The following ADAMTS18 variants were observed in gnomAD, a reference collection of about 807,000 sequenced individuals.
The protein encoded by ADAMTS18 is A disintegrin and metalloproteinase with thrombospondin motifs 18.
Under a neutral mutation model 165.9 loss-of-function variants are expected in ADAMTS18, and 157 were observed. The observed-to-expected ratio is 0.95, with a 90% CI of 0.83 to 1.08. The LOEUF is 1.08. ADAMTS18 is among the 50% of genes least tolerant of loss of function. The pLI is 0.00. For missense variants in ADAMTS18, 2,040 were observed against 1,534.0 expected, an observed-to-expected ratio of 1.33 and a Z score of -5.51; for synonymous variants, 782 against 578.2, an observed-to-expected ratio of 1.35 and a Z score of -5.06.
chr16:77,372,133 T>C (rs965122037), intron 3 of ADAMTS18, among the ~76,000 whole-genome samples: 1 of 152,166 alleles, frequency 6.6e-6, no homozygotes, highest in Non-Finnish European at 1.5e-5. Flanking sequence ...CTAGCATGGA[T>C]GTGGAGAAAT....
Position 77,346,578 on chromosome 16 carries a change from C to T in ADAMTS18, c.1615-4779G>A, listed in dbSNP as rs190850072. Among the ~76,000 whole-genome samples, 128 of 152,112 alleles carry T rather than the reference C, an allele frequency of 8.4e-4. No individual in the cohort carries two copies. The East Asian group carries it at 0.016, about 19-fold the overall frequency. On this transcript the variant is annotated intron_variant, in intron 10 of 22. Transcript: ENST00000282849. ...TTGTATCATCATTGTGGCCACATGACGAAAGTATGACTATCTCCTCAACAT... is the reference window on the plus strand; with the variant it reads ...TTGTATCATCATTGTGGCCACATGATGAAAGTATGACTATCTCCTCAACAT...
intron 22 of ADAMTS18, among the ~76,000 whole-genome samples, 170 bp downstream of exon 22, chr16:77,289,094 T>A (rs2055312141): frequency 6.6e-6 from 1 of 152,168 alleles, no homozygotes; most frequent in East Asian, 1.9e-4. Context: ...GGACAGCAAC[T>A]TCCCCAGAGT....
At chr16:77,319,686 G>A (rs991482458) in intron 16 of ADAMTS18, among the ~76,000 whole-genome samples, 163 bp downstream of exon 16, 3 of 151,938 alleles carry the variant, frequency 2.0e-5, no homozygotes, top group East Asian at 1.9e-4. Context: ...CAGCTGATCC[G>A]CCCACCTCAG....
chr16:77,424,192 G>A (rs1186355943), intron 3 of ADAMTS18, among the ~76,000 whole-genome samples: 1 of 152,218 alleles, frequency 6.6e-6, no homozygotes, highest in African/African-American at 2.4e-5. Context: ...AGGCAGGCCG[G>A]GCGCGGTGGC....
At position 77,283,803 on chromosome 16, in the gene ADAMTS18, G is replaced by T. The variant is rs78203502; in HGVS notation, c.*153C>A. On this transcript the variant is annotated 3_prime_UTR_variant, in exon 23 of 23. Coordinates refer to ENST00000282849, the MANE Select transcript of ADAMTS18 (RefSeq NM_199355.4). The stretch of plus-strand genomic sequence containing the variant: ...AGGGAATTGAGCTAGAAGCCTACTG[G>T]CAACCTGTCTGTTCCTCAGAGCAGG... 3,225 of 643,560 alleles carry T rather than the reference G, an allele frequency of 5.0e-3. 91 individuals are homozygous for T. The African/African-American group carries it at 0.054, about 11-fold the overall frequency. 39.9% of individuals were successfully genotyped at this position (643,560 alleles called of 1,614,324 possible). A position where few individuals can be genotyped will look rare whatever the true frequency, so the allele number is the denominator to read the frequency against.
At chr16:77,357,581 G>T (rs371554061) in intron 8 of ADAMTS18, among the ~76,000 whole-genome samples, 12 of 152,146 alleles carry the variant, frequency 7.9e-5, no homozygotes, top group East Asian at 5.8e-4. Flanking sequence ...ACAGAGATGG[G>T]GTAGGAGAGA....
chr16:77,419,273 C>G (rs2057570346), intron 3 of ADAMTS18, among the ~76,000 whole-genome samples: 2 of 152,104 alleles, frequency 1.3e-5, no homozygotes, highest in South Asian at 2.1e-4. Flanking sequence ...TTTGGAGGCT[C>G]CAAGAAAGAT....
At chr16:77,398,834 T>A (rs1012618875) in intron 3 of ADAMTS18, among the ~76,000 whole-genome samples, 6 of 152,060 alleles carry the variant, frequency 3.9e-5, no homozygotes, top group African/African-American at 1.2e-4. Context: ...GAAACTGTGT[T>A]AAGAAGTGTA....
At chr16:77,342,361 C>A (rs1468801635) in intron 10 of ADAMTS18, among the ~76,000 whole-genome samples, 2 of 152,308 alleles carry the variant, frequency 1.3e-5, no homozygotes, top group Middle Eastern at 6.8e-3. Flanking sequence ...ATCATTACTA[C>A]CTTTTTCATC....
At chr16:77,429,448 G>C (rs1271059568) in intron 3 of ADAMTS18, among the ~76,000 whole-genome samples, 1 of 152,156 alleles carries the variant, frequency 6.6e-6, no homozygotes, top group Non-Finnish European at 1.5e-5. Flanking sequence ...TGGAGGGTCG[G>C]AGAAGATAGA....
chr16:77,335,029 A>G lies in ADAMTS18; in HGVS notation c.1859+727T>C, dbSNP rs145606417. The stretch of plus-strand genomic sequence containing the variant: ...AATAGTATATAGTAGTATATATACT[A>G]TATATTAATAGTAATTATATATAAT... On this transcript the variant is annotated intron_variant, in intron 12 of 22. Transcript: ENST00000282849. Among the ~76,000 whole-genome samples the G allele has an allele frequency of 7.7e-3, 1,107 of 144,194 alleles. 20 individuals are homozygous for G. The highest frequency in any genetic ancestry group is 0.026 in the African/African-American group (1,033 of 39,112). The allele number at this position is 144,194 out of a possible 152,430, so 94.6% of individuals were successfully genotyped here. A position where few individuals can be genotyped will look rare whatever the true frequency, so the allele number is the denominator to read the frequency against.
At chr16:77,334,746 C>CTGTATACTATAGTATATATAT (rs2056269435) in intron 12 of ADAMTS18, among the ~76,000 whole-genome samples, 1 of 111,346 alleles carries the variant, frequency 9.0e-6, no homozygotes, top group African/African-American at 3.5e-5. Flanking sequence ...AGTATATATA[C>CTGTATACTATAGTATATATAT]TGTATACTAT....
intron 16 of ADAMTS18, among the ~76,000 whole-genome samples, chr16:77,313,445 AAAATAAAAT>A (rs1231324181): frequency 4.0e-5 from 6 of 148,546 alleles, no homozygotes; most frequent in Non-Finnish European, 6.0e-5. Flanking sequence ...AAGTATAATA[AAAATAAAAT>A]AAATAAATAA....
intron 18 of ADAMTS18, among the ~76,000 whole-genome samples, chr16:77,297,068 CT>C (rs1446873908): frequency 6.6e-6 from 1 of 152,214 alleles, no homozygotes; most frequent in Non-Finnish European, 1.5e-5. Context: ...CCTGGAACTC[CT>C]GGGTTCTACT....
At chr16:77,300,223 G>C (rs933985855) in intron 17 of ADAMTS18, 40 bp downstream of exon 17, 1 of 1,612,884 alleles carries the variant, frequency 6.2e-7, no homozygotes, top group Non-Finnish European at 8.5e-7. Context: ...CCTGTTTTAA[G>C]AGAGACAGAC....
In ADAMTS18 at chr16:77,409,053, C is replaced by T. The variant is rs554993261; in HGVS notation, c.495+22242G>A. 2.0e-5 allele frequency among the ~76,000 whole-genome samples: 3 copies of T among 151,860 alleles called. No homozygotes were observed. The East Asian group carries it at 5.8e-4, about 29-fold the overall frequency. ...TCATAAGTATGTGTATATATATACA[C>T]ACATATATATAAAAATAAAGAAAAA... On this transcript the variant is annotated intron_variant, in intron 3 of 22. Coordinates refer to ENST00000282849, the MANE Select transcript of ADAMTS18 (RefSeq NM_199355.4).
intron 12 of ADAMTS18, among the ~76,000 whole-genome samples, chr16:77,327,211 T>A (rs1335539039): frequency 6.6e-6 from 1 of 152,194 alleles, no homozygotes; most frequent in African/African-American, 2.4e-5. Context: ...GATTTTTTTA[T>A]TTCAATAGGT....
chr16:77,430,889 A>G (rs957111452), intron 3 of ADAMTS18, among the ~76,000 whole-genome samples: 2 of 152,212 alleles, frequency 1.3e-5, no homozygotes, highest in African/African-American at 4.8e-5. Context: ...TGATCTTACC[A>G]GTGCTGCTGA....
At chr16:77,294,693 C>T (rs1434714915) in intron 19 of ADAMTS18, among the ~76,000 whole-genome samples, 1 of 152,168 alleles carries the variant, frequency 6.6e-6, no homozygotes. Context: ...AAATGGCCCC[C>T]ACACTCCAAT....
Sources: allele counts gnomAD v4.1 joint callset (sites outside exome capture counted in the v4.1 genomes callset), GRCh38; gene constraint gnomAD v4.1.1; transcripts MANE v1.5; gene names NCBI Gene and HGNC (gene_info 2026-07-23, HGNC 2026-07-21).